The following GRID2 variants were observed in gnomAD, a reference collection of about 807,000 sequenced individuals.
The protein encoded by GRID2 is glutamate ionotropic receptor delta type subunit 2.
In GRID2, 33 loss-of-function variants were observed where a neutral mutation model predicts 114.8. That is an observed-to-expected ratio of 0.29 (90% CI 0.22 to 0.38). GRID2 has a LOEUF of 0.38. Among genes scored for constraint, GRID2 ranks in the 10% least tolerant of loss-of-function variants. GRID2 has a pLI of 1.00. For missense variants in GRID2, 1,184 were observed against 1,257.7 expected (o/e 0.94, Z 0.89); for synonymous variants, 505 against 449.9 (o/e 1.12, Z -1.55).
rs866323340 is a variant in GRID2, at chr4:93,094,553, A to G, written c.529+9274A>G. ...TTGATAATGAGAAATTAACAGCTGA[A>G]AAAAATCAATACCATAAATAGGTAA... On this transcript the variant is annotated intron_variant, in intron 3 of 15. Coordinates refer to ENST00000282020, the MANE Select transcript of GRID2 (RefSeq NM_001510.4). Among the ~76,000 whole-genome samples, 108 of 152,176 alleles carry G rather than the reference A, an allele frequency of 7.1e-4. 1 individual carries two copies. Among genetic ancestry groups the G allele is most frequent in the Middle Eastern group, 3.4e-3 (1 of 294 alleles).
chr4:92,726,955 G>GA (rs1736097664), intron 2 of GRID2, among the ~76,000 whole-genome samples: 1 of 151,976 alleles, frequency 6.6e-6, no homozygotes, highest in Non-Finnish European at 1.5e-5. Context: ...TGCATTGAGG[G>GA]AAAAAATGAA....
chr4:93,806,442 C>A (rs1228563198), intron 1 of GRID2, among the ~76,000 whole-genome samples: 1 of 152,282 alleles, frequency 6.6e-6, no homozygotes, highest in African/African-American at 2.4e-5. Context: ...GTATCCTAAT[C>A]CAGACCTGGA....
chr4:92,442,884 G>T (rs187612750), intron 1 of GRID2, among the ~76,000 whole-genome samples: 3 of 152,146 alleles, frequency 2.0e-5, no homozygotes, highest in African/African-American at 7.2e-5. Flanking sequence ...TTGGGCAGGA[G>T]GGGGAGGGCT....
At chr4:92,797,337 C>G (rs1386824992) in intron 2 of GRID2, among the ~76,000 whole-genome samples, 1 of 151,928 alleles carries the variant, frequency 6.6e-6, no homozygotes, top group Non-Finnish European at 1.5e-5. Flanking sequence ...GCATTTTAAG[C>G]ACATGCTCAT....
chr4:92,912,765 A>G (rs1181415853), intron 2 of GRID2, among the ~76,000 whole-genome samples: 2 of 151,906 alleles, frequency 1.3e-5, no homozygotes, highest in African/African-American at 4.8e-5. Context: ...TTGTGAATAT[A>G]CAACTATGAT....
intron 14 of GRID2, among the ~76,000 whole-genome samples, chr4:93,706,328 C>T (rs1206841083): frequency 6.6e-6 from 1 of 152,066 alleles, no homozygotes; most frequent in African/African-American, 2.4e-5. Context: ...AATGTCTTTC[C>T]ATTTTTTTAC....
In GRID2 at chr4:93,086,775, A is replaced by G. The variant is rs1578949315; in HGVS notation, c.529+1496A>G. Among the ~76,000 whole-genome samples, 5 of 152,318 alleles carry G rather than the reference A, an allele frequency of 3.3e-5. No homozygotes were observed. The East Asian group carries it at 9.7e-4, about 29-fold the overall frequency. On this transcript the variant is annotated intron_variant, in intron 3 of 15. Transcript: ENST00000282020. ...AAGGATTGAACTCAACACAAGCCTG[A>G]AATTCCCTGATAGGATTATTTAGTG...
intron 1 of GRID2, among the ~76,000 whole-genome samples, chr4:92,430,742 T>A (rs150559355): frequency 3.5e-4 from 53 of 152,224 alleles, no homozygotes; most frequent in African/African-American, 1.3e-3. Flanking sequence ...CCATGAACAT[T>A]GAATATCTCC....
chr4:92,570,308 G>C (rs113036968), intron 1 of GRID2, among the ~76,000 whole-genome samples: 3 of 151,920 alleles, frequency 2.0e-5, no homozygotes. Context: ...CTATTTCATT[G>C]GTCTATGTGT....
intron 4 of GRID2, among the ~76,000 whole-genome samples, chr4:93,205,447 G>T (rs1019183315): frequency 6.6e-6 from 1 of 151,914 alleles, no homozygotes; most frequent in South Asian, 2.1e-4. Flanking sequence ...TGAGAATGAT[G>T]GTTTCCAGTT....
intron 8 of GRID2, among the ~76,000 whole-genome samples, chr4:93,296,855 A>G (rs1754362574): frequency 6.6e-6 from 1 of 152,196 alleles, no homozygotes; most frequent in Admixed American, 6.5e-5. Context: ...ACAGTGAATA[A>G]ATTTTCAAAG....
chr4:92,693,881 C>T (rs1400188164), intron 2 of GRID2, among the ~76,000 whole-genome samples: 1 of 152,028 alleles, frequency 6.6e-6, no homozygotes, highest in East Asian at 1.9e-4. Context: ...TGATATTACA[C>T]GTTATAAGGA....
At chr4:92,777,546 T>G (rs903694597) in intron 2 of GRID2, among the ~76,000 whole-genome samples, 6 of 152,082 alleles carry the variant, frequency 3.9e-5, no homozygotes, top group Non-Finnish European at 8.8e-5. Flanking sequence ...TTAAACGAGA[T>G]GATCTGGACT....
At chr4:93,172,221 G>A (rs1008877210) in intron 4 of GRID2, among the ~76,000 whole-genome samples, 32 of 152,134 alleles carry the variant, frequency 2.1e-4, no homozygotes, top group African/African-American at 7.5e-4. Flanking sequence ...ACCTGCTAAT[G>A]TCTGATATTC....
intron 13 of GRID2, among the ~76,000 whole-genome samples, chr4:93,535,335 A>G (rs1269381458): frequency 6.6e-6 from 1 of 151,878 alleles, no homozygotes; most frequent in Non-Finnish European, 1.5e-5. Flanking sequence ...CTTGGCTTTT[A>G]TAAAGAATGC....
chr4:93,373,683 T>C (rs1387625948), intron 8 of GRID2, among the ~76,000 whole-genome samples: 2 of 152,188 alleles, frequency 1.3e-5, no homozygotes, highest in African/African-American at 2.4e-5. Flanking sequence ...ATACAGAGAA[T>C]GAAGCCTTAA....
intron 4 of GRID2, among the ~76,000 whole-genome samples, chr4:93,180,395 T>A (rs1739776399): frequency 6.6e-6 from 1 of 152,134 alleles, no homozygotes; most frequent in Non-Finnish European, 1.5e-5. Context: ...GTCAGGATCT[T>A]TTTGCTGATG....
At chr4:92,539,100 T>A (rs1260335412) in intron 1 of GRID2, among the ~76,000 whole-genome samples, 2 of 146,306 alleles carry the variant, frequency 1.4e-5, no homozygotes, top group Non-Finnish European at 3.0e-5. Flanking sequence ...CTTTAAGGAA[T>A]GTGATTGACA....
intron 8 of GRID2, among the ~76,000 whole-genome samples, chr4:93,326,059 A>T (rs1232699696): frequency 2.6e-5 from 4 of 152,168 alleles, no homozygotes; most frequent in Non-Finnish European, 5.9e-5. Context: ...GCCAACCATA[A>T]GGTATGCGTA....
Sources: allele counts gnomAD v4.1 joint callset (sites outside exome capture counted in the v4.1 genomes callset), GRCh38; gene constraint gnomAD v4.1.1; transcripts MANE v1.5; gene names NCBI Gene and HGNC (gene_info 2026-07-23, HGNC 2026-07-21).